Variants in WDR41 observed in about 807,000 individuals in gnomAD.
The protein encoded by WDR41 is WD repeat domain 41, also known as WD repeat-containing protein 41.
A neutral mutation model predicts 69.3 loss-of-function variants in WDR41; 63 were observed. The ratio of observed to expected loss-of-function variants is 0.91; its 90% CI spans 0.74 to 1.12. The LOEUF is 1.12. Ranked by LOEUF, WDR41 falls within the 50% of genes most tolerant of loss-of-function variation. WDR41 has a pLI of 0.00. For synonymous variants in WDR41, 185 were observed against 192.1 expected, an observed-to-expected ratio of 0.96 and a Z score of 0.31; for missense variants, 543 against 534.5, an observed-to-expected ratio of 1.02 and a Z score of -0.16.
At chr5:77,491,648 AC>A (rs34197147) in intron 1 of WDR41, among the ~76,000 whole-genome samples, 50,455 of 152,060 alleles carry the variant, frequency 0.33, 8,409 homozygotes, top group East Asian at 0.36. Flanking sequence ...GAAGCAGATT[AC>A]TTTTTAAAAA....
At chr5:77,493,030 C>A (rs1414912384), upstream of WDR41, among the ~76,000 whole-genome samples, 1 of 152,094 alleles carries the variant, frequency 6.6e-6, no homozygotes, top group Non-Finnish European at 1.5e-5. Flanking sequence ...ACTACATTTT[C>A]TTAGGTAGTC....
intron 12 of WDR41, among the ~76,000 whole-genome samples, chr5:77,435,877 T>G (rs543704298): frequency 5.2e-4 from 79 of 152,238 alleles, no homozygotes; most frequent in Non-Finnish European, 1.0e-3. Flanking sequence ...TTCATGAATT[T>G]GATAAAGGCC....
Position 77,454,054 on chromosome 5 carries a change from T to C in WDR41, c.412-126A>G, listed in dbSNP as rs1358010355. 2.9e-5 allele frequency: 20 copies of C among 701,124 alleles called. No individual in the cohort carries two copies. The East Asian group carries it at 5.1e-4, about 18-fold the overall frequency. 43.4% of individuals were successfully genotyped at this position (701,124 alleles called of 1,614,324 possible). A position where few individuals can be genotyped will look rare whatever the true frequency, so the allele number is the denominator to read the frequency against. ...CTAGGTGGAGCTTATTTCTCCTTAG[T>C]AGATCATGTGGGCACTACTAAGTGA... On this transcript the variant is annotated intron_variant, in intron 5 of 12. Coordinates refer to ENST00000296679, the MANE Select transcript of WDR41 (RefSeq NM_018268.4).
chr5:77,575,154 G>A (rs1040281964), intron 1 of WDR41, among the ~76,000 whole-genome samples: 18 of 152,128 alleles, frequency 1.2e-4, no homozygotes, highest in Non-Finnish European at 2.1e-4. Flanking sequence ...GCAGTATAGT[G>A]TCTAGTGTAA....
intron 1 of WDR41, among the ~76,000 whole-genome samples, chr5:77,510,875 G>A (rs757227519): frequency 1.2e-4 from 17 of 147,140 alleles, no homozygotes; most frequent in Admixed American, 9.8e-4. Context: ...AGGTTCAAGC[G>A]ATTCTCCTGC....
intron 1 of WDR41, among the ~76,000 whole-genome samples, chr5:77,613,332 G>T (rs1445761391): frequency 6.6e-6 from 1 of 152,038 alleles, no homozygotes; most frequent in Non-Finnish European, 1.5e-5. Context: ...AGCCCGCATC[G>T]CCAAGCCAAT....
intron 1 of WDR41, among the ~76,000 whole-genome samples, chr5:77,518,288 T>A (rs942135687): frequency 5.3e-5 from 8 of 152,158 alleles, no homozygotes. Context: ...GTACCTATGC[T>A]GTCTCCTAAA....
chr5:77,606,297 A>T (rs148050930), intron 1 of WDR41, among the ~76,000 whole-genome samples: 75 of 152,296 alleles, frequency 4.9e-4, no homozygotes, highest in African/African-American at 1.7e-3. Flanking sequence ...TGATAAGCTG[A>T]TTGCAAGGTA....
intron 2 of WDR41, among the ~76,000 whole-genome samples, chr5:77,468,128 T>C (rs919450169): frequency 3.9e-5 from 6 of 152,118 alleles, no homozygotes; most frequent in Admixed American, 1.3e-4. Flanking sequence ...AGGTGAAACA[T>C]GGTTTAACAA....
intron 8 of WDR41, among the ~76,000 whole-genome samples, chr5:77,442,748 T>C (rs2151293879): frequency 6.6e-6 from 1 of 151,156 alleles, no homozygotes; most frequent in African/African-American, 2.4e-5. Flanking sequence ...AAAAATTAGG[T>C]GGGCGTGGTG....
In WDR41 at chr5:77,501,412, C is replaced by A. The variant is rs1802016534; in HGVS notation, c.43-11840G>T. On this transcript the variant is annotated intron_variant, in intron 1 of 5. Coordinates refer to the WDR41 transcript ENST00000509971. ...CAGAGCCCGCCGCAGCTCAGCAAGG[C>A]CTACTGCCTCTATAGACTCCACCTC... Among the ~76,000 whole-genome samples the A allele has an allele frequency of 2.6e-5, 4 of 152,244 alleles. No individual in the cohort carries two copies. In the South Asian group the frequency reaches 8.3e-4, roughly 32 times the overall value.
intron 1 of WDR41, among the ~76,000 whole-genome samples, chr5:77,588,998 A>T (rs1329909626): frequency 1.3e-5 from 2 of 152,192 alleles, no homozygotes; most frequent in Non-Finnish European, 1.5e-5. Context: ...CAAGAAGCAC[A>T]AAAATGTGAA....
At chr5:77,538,576 T>C (rs566838332) in intron 1 of WDR41, among the ~76,000 whole-genome samples, 1 of 152,320 alleles carries the variant, frequency 6.6e-6, no homozygotes, top group East Asian at 1.9e-4. Context: ...TGTTCCTGCA[T>C]TAATTCGCTT....
intron 1 of WDR41, among the ~76,000 whole-genome samples, chr5:77,525,861 G>T (rs1354774682): frequency 1.3e-5 from 2 of 152,144 alleles, no homozygotes; most frequent in Admixed American, 6.6e-5. Context: ...AGTGCCAAAG[G>T]AGTGGAGCTC....
At chr5:77,459,262 C>A in intron 4 of WDR41, 138 bp from the exon 5 acceptor site, 1 of 593,708 alleles carries the variant, frequency 1.7e-6, no homozygotes. Flanking sequence ...GTGTTTATAC[C>A]ACCACAAAAA....
intron 8 of WDR41, among the ~76,000 whole-genome samples, chr5:77,447,677 C>T (rs1277706104): frequency 6.6e-6 from 1 of 152,152 alleles, no homozygotes; most frequent in Non-Finnish European, 1.5e-5. Context: ...AACAGAAAAT[C>T]AAATGCCGCA....
chr5:77,442,058 T>C (rs1264861912), intron 8 of WDR41, among the ~76,000 whole-genome samples: 1 of 152,158 alleles, frequency 6.6e-6, no homozygotes, highest in Non-Finnish European at 1.5e-5. Context: ...GGCAAAAGCA[T>C]AAGAAATCAG....
At chr5:77,464,862 C>T in intron 2 of WDR41, 53 bp from the exon 3 acceptor site, 1 of 1,566,624 alleles carries the variant, frequency 6.4e-7, no homozygotes. Context: ...CATTTAATTA[C>T]TAAGATTAAG....
At chr5:77,563,104 T>A (rs1026872832) in intron 1 of WDR41, among the ~76,000 whole-genome samples, 3 of 152,300 alleles carry the variant, frequency 2.0e-5, no homozygotes, top group South Asian at 2.1e-4. Flanking sequence ...GTTTGTTGAA[T>A]GAATGAATGA....
Sources: gnomAD v4.1 joint callset for allele counts (sites outside exome capture counted in the v4.1 genomes callset) on GRCh38, gnomAD v4.1.1 for gene constraint, MANE v1.5 for transcripts, NCBI Gene and HGNC (gene_info 2026-07-23, HGNC 2026-07-21) for gene names.